SPATS2L: variants seen among roughly 807,000 people sequenced by gnomAD.
SPATS2L encodes the protein spermatogenesis associated serine rich 2 like, also known as SPATS2-like protein.
SPATS2L carries 30 observed loss-of-function variants against 59.6 expected under a neutral mutation model. The ratio of observed to expected loss-of-function variants is 0.50; its 90% CI spans 0.38 to 0.68. The LOEUF (loss-of-function observed/expected upper bound fraction) is 0.68. Ranked by LOEUF, SPATS2L falls within the 30% of genes least tolerant of loss-of-function variation. The probability of loss-of-function intolerance (pLI) is 0.00; values close to 1 mark genes in which losing one functional copy is unlikely to be tolerated. For missense variants in SPATS2L, 615 were observed against 700.0 expected (o/e 0.88, Z 1.37); for synonymous variants, 252 against 263.5 (o/e 0.96, Z 0.42).
intron 8 of SPATS2L, among the ~76,000 whole-genome samples, chr2:200,442,580 ACT>A (rs2084770946): frequency 1.3e-5 from 2 of 151,826 alleles, no homozygotes; most frequent in Admixed American, 1.3e-4. Context: ...TTTAGAATAA[ACT>A]CTTCCTCTGA....
chr2:200,360,165 G>A (rs1290875798), intron 2 of SPATS2L, among the ~76,000 whole-genome samples: 1 of 152,144 alleles, frequency 6.6e-6, no homozygotes, highest in Non-Finnish European at 1.5e-5. Context: ...AGAGCCTCAA[G>A]TTCAGAACAA....
At position 200,387,592 on chromosome 2, in the gene SPATS2L, T is replaced by C. The variant is rs1404300250; in HGVS notation, c.-22-1631T>C. ...ATAGATAATGGATCTGAATTTATGC[T>C]TTATTTAAGACGTAAGTGTAAAAGA... is the stretch of plus-strand genomic sequence containing the variant. On this transcript the variant is annotated intron_variant, in intron 2 of 12. Transcript: ENST00000409140. 3.3e-5 allele frequency among the ~76,000 whole-genome samples: 5 copies of C among 152,368 alleles called. No homozygotes were observed. In the East Asian group the frequency reaches 9.6e-4, roughly 29 times the overall value.
chr2:200,363,262 G>A (rs1018911681), intron 2 of SPATS2L, among the ~76,000 whole-genome samples: 5 of 149,890 alleles, frequency 3.3e-5, no homozygotes, highest in African/African-American at 7.4e-5. Flanking sequence ...CAATATCCTC[G>A]CTAGGAAAAA....
chr2:200,390,963 A>G (rs2082155462), intron 3 of SPATS2L: 1 of 151,920 alleles, frequency 6.6e-6, no homozygotes. Context: ...GGAGTTCAAG[A>G]CAGCCTGACC....
rs188502909 is a variant in SPATS2L at position 200,462,943 on chromosome 2, T to C, written c.847+3116T>C. 1.5e-4 allele frequency among the ~76,000 whole-genome samples: 22 copies of C among 146,086 alleles called. No homozygotes were observed. The East Asian group carries it at 3.7e-3, about 25-fold the overall frequency. ...CCTGTATTAAAAATAATAATAACAATAATAATAATAATAATATCCATCTCA... is the reference window on the plus strand; with the variant it reads ...CCTGTATTAAAAATAATAATAACAACAATAATAATAATAATATCCATCTCA... On this transcript the variant is annotated intron_variant, in intron 9 of 12. Coordinates refer to ENST00000409140, the MANE Select transcript of SPATS2L (RefSeq NM_001100423.2).
chr2:200,448,065 A>G (rs2085172026), intron 8 of SPATS2L, among the ~76,000 whole-genome samples: 1 of 152,134 alleles, frequency 6.6e-6, no homozygotes, highest in South Asian at 2.1e-4. Context: ...GGATCATTTG[A>G]GCCCCCAGGT....
chr2:200,357,855 T>C (rs1391640720), intron 2 of SPATS2L, among the ~76,000 whole-genome samples: 1 of 152,150 alleles, frequency 6.6e-6, no homozygotes, highest in African/African-American at 2.4e-5. Context: ...TCAAAGTGCA[T>C]TGGAGACGTG....
chr2:200,400,462 G>A (rs888100847), intron 3 of SPATS2L, among the ~76,000 whole-genome samples: 4 of 152,096 alleles, frequency 2.6e-5, no homozygotes, highest in Non-Finnish European at 2.9e-5. Context: ...TTGTTTAAAC[G>A]TAGATCAAAG....
chr2:200,392,779 C>T (rs942448512), intron 3 of SPATS2L, among the ~76,000 whole-genome samples: 3 of 152,048 alleles, frequency 2.0e-5, no homozygotes, highest in African/African-American at 7.2e-5. Flanking sequence ...ATGCTATCTC[C>T]AGGTAGACAG....
At chr2:200,412,456 A>T (rs1295141958) in intron 4 of SPATS2L, 37 bp downstream of exon 4, 2 of 1,214,966 alleles carry the variant, frequency 1.6e-6, no homozygotes, top group South Asian at 2.8e-5. Context: ...AAGATGTTAG[A>T]CTTAAATATT....
chr2:200,414,723 G>T (rs147159207), intron 4 of SPATS2L, among the ~76,000 whole-genome samples: 1 of 152,066 alleles, frequency 6.6e-6, no homozygotes, highest in Non-Finnish European at 1.5e-5. Flanking sequence ...TACAGAAAGC[G>T]CTCTGAGTGG....
chr2:200,333,539 A>G (rs2080030600), intron 2 of SPATS2L, among the ~76,000 whole-genome samples: 1 of 151,820 alleles, frequency 6.6e-6, no homozygotes, highest in African/African-American at 2.4e-5. Flanking sequence ...TTTAGGGTAC[A>G]TGTGCACAAC....
chr2:200,404,363 T>C (rs1216507647), intron 3 of SPATS2L, among the ~76,000 whole-genome samples: 3 of 152,310 alleles, frequency 2.0e-5, no homozygotes, highest in East Asian at 1.9e-4. Flanking sequence ...GTTACCAGAA[T>C]GATGTGCTAG....
intron 11 of SPATS2L, among the ~76,000 whole-genome samples, chr2:200,472,504 C>T (rs977715974): frequency 6.6e-6 from 1 of 152,144 alleles, no homozygotes; most frequent in Non-Finnish European, 1.5e-5. Flanking sequence ...AGAGAGGGAA[C>T]CTTGAGGTTT....
At chr2:200,379,166 C>T (rs967027157) in intron 2 of SPATS2L, among the ~76,000 whole-genome samples, 1 of 152,182 alleles carries the variant, frequency 6.6e-6, no homozygotes, top group Non-Finnish European at 1.5e-5. Flanking sequence ...CATCATTGAT[C>T]TTTAAGCTCC....
At chr2:200,345,566 G>C (rs1000253372) in intron 2 of SPATS2L, among the ~76,000 whole-genome samples, 3 of 151,924 alleles carry the variant, frequency 2.0e-5, no homozygotes, top group African/African-American at 7.3e-5. Flanking sequence ...CCAGCTCTGG[G>C]GTTTCTTCCT....
chr2:200,436,158 C>T (rs1256313139), intron 6 of SPATS2L, among the ~76,000 whole-genome samples: 3 of 151,942 alleles, frequency 2.0e-5, no homozygotes, highest in East Asian at 1.9e-4. Context: ...AGTGGACTCC[C>T]GATAAATGGA....
intron 2 of SPATS2L, among the ~76,000 whole-genome samples, chr2:200,346,323 AGATGACCTAGTTTTTTTAG>A (rs1354262591): frequency 6.6e-6 from 1 of 152,216 alleles, no homozygotes; most frequent in Non-Finnish European, 1.5e-5. Flanking sequence ...AACATTAGAA[AGATGACCTAGTTTTTTTAG>A]GTCCAAGTTT....
chr2:200,344,162 T>A (rs1473431404), intron 2 of SPATS2L, among the ~76,000 whole-genome samples: 19 of 152,134 alleles, frequency 1.2e-4, no homozygotes, highest in Admixed American at 1.2e-3. Flanking sequence ...ACAGATTATG[T>A]CATCTTCCAG....
Sources: allele counts gnomAD v4.1 joint callset (sites outside exome capture counted in the v4.1 genomes callset), GRCh38; gene constraint gnomAD v4.1.1; transcripts MANE v1.5; gene names NCBI Gene and HGNC (gene_info 2026-07-23, HGNC 2026-07-21).